PLA2G4B: variants seen among roughly 807,000 people sequenced by gnomAD.
PLA2G4B encodes the protein phospholipase A2 group IVB, also known as cytosolic phospholipase A2 beta.
Under a neutral mutation model 95.8 loss-of-function variants are expected in PLA2G4B, and 122 were observed. The observed-to-expected ratio is 1.27, with a 90% CI of 1.10 to 1.48. The LOEUF is 1.48. Ranked by LOEUF, PLA2G4B falls within the 40% of genes most tolerant of loss-of-function variation. PLA2G4B has a pLI of 0.00. For missense variants in PLA2G4B, 1,158 were observed against 996.2 expected, an observed-to-expected ratio of 1.16 and a Z score of -2.19; for synonymous variants, 518 against 421.5, an observed-to-expected ratio of 1.23 and a Z score of -2.80.
At position 41,848,063 on chromosome 15, in the gene PLA2G4B, A is replaced by C; in HGVS notation, c.*203A>C. The C allele has an allele frequency of 1.5e-6, 1 of 671,948 alleles. No individual in the cohort carries two copies. Among genetic ancestry groups the C allele is most frequent in the South Asian group, 1.9e-5 (1 of 51,732 alleles). The allele number at this position is 671,948 out of a possible 1,614,324, so 41.6% of individuals were successfully genotyped here. On this transcript the variant is annotated 3_prime_UTR_variant, in exon 20 of 20. Coordinates refer to ENST00000458483, the MANE Select transcript of PLA2G4B (RefSeq NM_001114633.2). ...CAAGCCCATTTGTGTAATCACCCAA[A>C]ACCCCCCGGCCTGTGCCTGTTTTCC...
intron 7 of PLA2G4B, 47 bp downstream of exon 7, chr15:41,841,618 C>T (rs1262643043): frequency 1.2e-6 from 2 of 1,612,964 alleles, no homozygotes; most frequent in African/African-American, 1.3e-5. Context: ...CAGCTCTTGT[C>T]TTCCCCCTTT....
At position 41,846,708 on chromosome 15, in the gene PLA2G4B, C is replaced by T. The variant is rs776691532; in HGVS notation, c.1820C>T (p.Ser607Leu). ...GGGCTCCCCAACCAGCTGACACCCT[C>T]GGAGCCCCACCTGTGCCTGCTGGAT... is the stretch of plus-strand genomic sequence containing the variant. ...LDGLPNQLTP[S>L]EPHLCLLDVG... Residue 607 changes from serine (S) to leucine (L), a missense_variant, in exon 18 of 20, where the codon TCG becomes TTG. Transcript: ENST00000458483. 2.7e-5 allele frequency: 43 copies of T among 1,613,620 alleles called. No homozygotes were observed. Among genetic ancestry groups the T allele is most frequent in the East Asian group, 8.9e-5 (4 of 44,876 alleles).
Position 41,838,932 on chromosome 15 carries a change from G to T in PLA2G4B, c.9+10G>T. 6.3e-7 allele frequency: 1 copy of T among 1,590,212 alleles called. No homozygotes were observed. Among genetic ancestry groups the T allele is most frequent in the Non-Finnish European group, 8.6e-7 (1 of 1,167,182 alleles). ...CAGTCTCATGGCTGTGGTAAGGCCT[G>T]GCAGGGCCCTGGGTCCCTACTGGGA... On this transcript the variant is annotated intron_variant, in intron 1 of 19. Transcript: ENST00000458483.
rs144155818 is a variant in PLA2G4B at position 41,847,356 on chromosome 15, G to T, written c.1967G>T (p.Arg656Leu). ...GAFQQLQLLG[R>L]FCQEQGIPFP... ...CTGCAGCAGTTGCAGCTCCTGGGCC[G>T]GTTCTGCCAGGAGCAGGGGATCCCG... The change falls in exon 19 of 20, where the codon CGG (arginine) becomes CTG (leucine). Residue 656 changes from arginine (R) to leucine (L), a missense_variant. Coordinates refer to ENST00000458483, the MANE Select transcript of PLA2G4B (RefSeq NM_001114633.2). The T allele has an allele frequency of 1.2e-6, 2 of 1,606,196 alleles. No individual in the cohort carries two copies. The highest frequency in any genetic ancestry group is 2.2e-5 in the South Asian group (2 of 90,836).
rs1187260713 is a variant in PLA2G4B, at chr15:41,841,208, GGGGCTCT to G, written c.393-19_393-13del. The G allele has an allele frequency of 1.9e-6, 3 of 1,613,900 alleles. No individual in the cohort carries two copies. The highest frequency in any genetic ancestry group is 2.5e-6 in the Non-Finnish European group (3 of 1,180,014). ...GGTGGGAACCTGGACTCCTGCTAAG[GGGGCTCT>G]GGGGGCTCTTTCCAGGGCTGACCGT... On this transcript the variant is annotated splice_polypyrimidine_tract_variant and intron_variant, in intron 5 of 19. Coordinates refer to ENST00000458483, the MANE Select transcript of PLA2G4B (RefSeq NM_001114633.2).
Position 41,845,628 on chromosome 15 carries a change from C to T in PLA2G4B, c.1358-10C>T. ...CTGCACCATGAGGCTGAGGCGTGGA[C>T]TCCTCACAGAGTGGTGCGAGTTCTC... On this transcript the variant is annotated splice_polypyrimidine_tract_variant and intron_variant, in intron 14 of 19. Transcript: ENST00000458483. 6.2e-7 allele frequency: 1 copy of T among 1,614,098 alleles called. No individual in the cohort carries two copies. The highest frequency in any genetic ancestry group is 2.2e-5 in the East Asian group (1 of 44,880).
rs970027345 is a variant in PLA2G4B at position 41,845,722 on chromosome 15, T to A, written c.1442T>A (p.Phe481Tyr). 1.9e-6 allele frequency: 3 copies of A among 1,612,504 alleles called. No individual in the cohort carries two copies. In the African/African-American group the frequency reaches 4.0e-5, roughly 22 times the overall value. Residue 481 changes from phenylalanine (F) to tyrosine (Y), a missense_variant, in exon 15 of 20, where the codon TTT (phenylalanine) becomes TAT (tyrosine). Phe to Tyr is a conservative substitution (Grantham distance 22, BLOSUM62 3). Coordinates refer to ENST00000458483, the MANE Select transcript of PLA2G4B (RefSeq NM_001114633.2). ...IPSELFGSEF[F>Y]MGQLMKRLPE... Reference sequence around the variant, plus strand: ...TCTGAGCTCTTTGGCTCCGAGTTCTTTATGGGGCAGCTGATGAAGAGGCTT... The same window carrying A: ...TCTGAGCTCTTTGGCTCCGAGTTCTATATGGGGCAGCTGATGAAGAGGCTT...
intron 7 of PLA2G4B, 27 bp from the exon 8 acceptor site, chr15:41,841,792 C>T (rs894501387): frequency 4.3e-6 from 7 of 1,609,292 alleles, no homozygotes; most frequent in Non-Finnish European, 4.2e-6. Flanking sequence ...CCGTCCCCAG[C>T]CTCTCTGCTC....
At position 41,846,046 on chromosome 15, in the gene PLA2G4B, G is replaced by A. The variant is rs780772076; in HGVS notation, c.1599G>A (p.Leu533=). Residue 533 remains leucine, a splice_region_variant and synonymous_variant, in exon 16 of 20, where the codon CTG becomes CTA. Transcript: ENST00000458483. The part of the protein sequence containing the change: ...WDRWVRNQAN[L]DKEQVPLLKI... The stretch of plus-strand genomic sequence containing the variant: ...GCTGGGTCAGGAACCAGGCCAACCT[G>A]GGTAAGTGCTCCGGGCCCTTCATAA... 9.6e-6 allele frequency: 15 copies of A among 1,563,444 alleles called. No individual in the cohort carries two copies. Among genetic ancestry groups the A allele is most frequent in the South Asian group, 1.2e-5 (1 of 84,240 alleles).
In PLA2G4B at chr15:41,847,877, C is replaced by T. The variant is rs374286750; in HGVS notation, c.*17C>T. 13 of 1,602,322 alleles carry T rather than the reference C, an allele frequency of 8.1e-6. No individual in the cohort carries two copies. Among genetic ancestry groups the T allele is most frequent in the Non-Finnish European group, 9.3e-6 (11 of 1,178,146 alleles). On this transcript the variant is annotated 3_prime_UTR_variant, in exon 20 of 20. Coordinates refer to ENST00000458483, the MANE Select transcript of PLA2G4B (RefSeq NM_001114633.2). ...CCCCACTGATGGCCGGGGCCCCTGC[C>T]ACCCCTAACTCTCATTCATTCCCTG...
rs77644505 is a variant in PLA2G4B at position 41,840,677 on chromosome 15, C to T, written c.219+17C>T. On this transcript the variant is annotated intron_variant, in intron 3 of 19. Coordinates refer to ENST00000458483, the MANE Select transcript of PLA2G4B (RefSeq NM_001114633.2). ...CAGCTCAAGGTGGGCCAGGCATCAGCGCTGACTCTACCCACATCCTCGCCA... is the reference window on the plus strand; with the variant it reads ...CAGCTCAAGGTGGGCCAGGCATCAGTGCTGACTCTACCCACATCCTCGCCA... 4.9e-4 allele frequency: 796 copies of T among 1,610,428 alleles called. 2 individuals carry two copies. In the African/African-American group the frequency reaches 8.9e-3, roughly 18 times the overall value.
In PLA2G4B at chr15:41,847,538, A is replaced by C. The variant is rs1595428236; in HGVS notation, c.2134+15A>C. The C allele has an allele frequency of 6.2e-7, 1 of 1,601,278 alleles. No homozygotes were observed. Among genetic ancestry groups the C allele is most frequent in the Non-Finnish European group, 8.5e-7 (1 of 1,171,552 alleles). ...CTCGGCCCCTGGTGAGCTGCTGTTC[A>C]CCTCCCCATCCTGCTGCCCCAGTCC... On this transcript the variant is annotated intron_variant, in intron 19 of 19. Transcript: ENST00000458483.
At chr15:41,839,008 G>A in intron 1 of PLA2G4B, 86 bp downstream of exon 1, 1 of 1,172,842 alleles carries the variant, frequency 8.5e-7, no homozygotes, top group Non-Finnish European at 1.2e-6. Flanking sequence ...TGGGAGCTGT[G>A]GTCTTCTCCA....
intron 9 of PLA2G4B, 50 bp from the exon 10 acceptor site, chr15:41,842,504 C>T (rs1377441086): frequency 5.0e-6 from 8 of 1,610,342 alleles, no homozygotes; most frequent in Non-Finnish European, 6.8e-6. Flanking sequence ...AGGACCAGAG[C>T]TGGGTGGAGG....
At chr15:41,839,127 G>A in intron 1 of PLA2G4B, 1 of 448,986 alleles carries the variant, frequency 2.2e-6, no homozygotes, top group Non-Finnish European at 4.0e-6. Flanking sequence ...TCTGTCCTGG[G>A]AACGGGCTCC....
Position 41,839,814 on chromosome 15 carries a change from C to T in PLA2G4B, c.10-344C>T, listed in dbSNP as rs571838497. On this transcript the variant is annotated intron_variant, in intron 1 of 19. Coordinates refer to ENST00000458483, the MANE Select transcript of PLA2G4B (RefSeq NM_001114633.2). Reference sequence around the variant, plus strand: ...TGGAGCCAGCCTGCCCGGGCTCCAACCCCAATTGTGGACCTCAGGCAAGTG... The same window carrying T: ...TGGAGCCAGCCTGCCCGGGCTCCAATCCCAATTGTGGACCTCAGGCAAGTG... 223 of 270,954 alleles carry T rather than the reference C, an allele frequency of 8.2e-4. 4 individuals carry two copies. In the South Asian group the frequency reaches 0.014, roughly 17 times the overall value. 16.8% of individuals were successfully genotyped at this position (270,954 alleles called of 1,614,324 possible). A position where few individuals can be genotyped will look rare whatever the true frequency, so the allele number is the denominator to read the frequency against.
At chr15:41,840,698 C>T (rs1122884) in intron 3 of PLA2G4B, 38 bp downstream of exon 3, 456,061 of 1,604,618 alleles carry the variant, frequency 0.28, 69,459 homozygotes, top group Middle Eastern at 0.42. Flanking sequence ...CCCACATCCT[C>T]GCCAGCCACT....
intron 5 of PLA2G4B, 67 bp downstream of exon 5, chr15:41,841,162 G>A: frequency 3.1e-6 from 5 of 1,614,032 alleles, no homozygotes; most frequent in Non-Finnish European, 3.4e-6. Context: ...TAGTGCCTGG[G>A]GGATGCCCAG....
At chr15:41,841,697 G>GA (rs2065434609) in intron 7 of PLA2G4B, 122 bp from the exon 8 acceptor site, 1 of 1,561,686 alleles carries the variant, frequency 6.4e-7, no homozygotes, top group Non-Finnish European at 8.7e-7. Flanking sequence ...TGTGGTGGGG[G>GA]ATCCATCTCC....
Sources: allele counts gnomAD v4.1 joint callset, GRCh38; gene constraint gnomAD v4.1.1; transcripts MANE v1.5; gene names NCBI Gene and HGNC (gene_info 2026-07-23, HGNC 2026-07-21).